The following CTNND2 variants were observed in gnomAD, a reference collection of about 807,000 sequenced individuals.
CTNND2 encodes catenin delta 2, also known as catenin delta-2.
Under a neutral mutation model 144.4 loss-of-function variants are expected in CTNND2, and 22 were observed. That is an observed-to-expected ratio of 0.15 (90% confidence interval 0.11 to 0.22). The LOEUF (loss-of-function observed/expected upper bound fraction) is 0.22, where lower values mean the gene tolerates loss of function less well. Ranked by LOEUF, CTNND2 falls within the 10% of genes least tolerant of loss-of-function variation. CTNND2 has a pLI of 1.00. For synonymous variants in CTNND2, 751 were observed against 695.6 expected (o/e 1.08, Z -1.25); for missense variants, 1,353 against 1,618.8 (o/e 0.84, Z 2.82).
chr5:11,199,410 C>G (rs1737198849), intron 11 of CTNND2, 38 bp downstream of exon 11: 1 of 1,562,224 alleles, frequency 6.4e-7, no homozygotes, highest in Admixed American at 1.7e-5. Context: ...GAAAGTTTAT[C>G]TTGAGATATA....
At chr5:11,191,823 C>T (rs933249159) in intron 11 of CTNND2, among the ~76,000 whole-genome samples, 2 of 152,156 alleles carry the variant, frequency 1.3e-5, no homozygotes, top group South Asian at 2.1e-4. Flanking sequence ...TTGCAGCCAG[C>T]GAGAGGCAAA....
intron 2 of CTNND2, among the ~76,000 whole-genome samples, chr5:11,726,222 T>C (rs974003532): frequency 6.6e-6 from 1 of 152,106 alleles, no homozygotes; most frequent in African/African-American, 2.4e-5. Flanking sequence ...TCAACAAAGG[T>C]AAAAATGTGA....
At chr5:11,488,668 T>C (rs985727092) in intron 3 of CTNND2, among the ~76,000 whole-genome samples, 1 of 151,924 alleles carries the variant, frequency 6.6e-6, no homozygotes, top group Non-Finnish European at 1.5e-5. Flanking sequence ...GAGAGAAGAG[T>C]TCAACTACCT....
chr5:11,574,050 A>G (rs1043466727), intron 2 of CTNND2, among the ~76,000 whole-genome samples: 2 of 152,144 alleles, frequency 1.3e-5, no homozygotes, highest in Non-Finnish European at 2.9e-5. Flanking sequence ...ACTCTATCAC[A>G]ATAATCTCTA....
At chr5:11,237,662 G>A (rs946460092) in intron 9 of CTNND2, among the ~76,000 whole-genome samples, 9 of 152,042 alleles carry the variant, frequency 5.9e-5, no homozygotes, top group African/African-American at 1.9e-4. Flanking sequence ...CACCACGTCC[G>A]TCTTAAATGG....
At chr5:11,780,719 G>A (rs1007174649) in intron 1 of CTNND2, among the ~76,000 whole-genome samples, 1 of 152,302 alleles carries the variant, frequency 6.6e-6, no homozygotes, top group African/African-American at 2.4e-5. Flanking sequence ...AAGGGTAGGA[G>A]AGGCTGGCCC....
rs780077041 is a variant in CTNND2 at position 10,981,818 on chromosome 5, A to G, written c.3372T>C (p.Tyr1124=). Residue 1124 remains tyrosine (Y), a synonymous_variant, in exon 21 of 22, where the codon TAT becomes TAC. Transcript: ENST00000304623. The part of the protein sequence containing the change: ...TAQNTGISTL[Y]RNSYGAPAED... Reference sequence around the variant, plus strand: ...CAGCGGGCGCACCATAAGAATTCCTATACAAAGTTGAAATTCCAGTGTTTT... The same window carrying G: ...CAGCGGGCGCACCATAAGAATTCCTGTACAAAGTTGAAATTCCAGTGTTTT... The G allele has an allele frequency of 6.2e-7, 1 of 1,614,062 alleles. No homozygotes were observed.
intron 2 of CTNND2, among the ~76,000 whole-genome samples, chr5:11,588,473 T>C (rs1375795816): frequency 6.6e-6 from 1 of 152,208 alleles, no homozygotes; most frequent in African/African-American, 2.4e-5. Context: ...TAAATGGTTA[T>C]AATGGTTAGT....
intron 20 of CTNND2, among the ~76,000 whole-genome samples, chr5:10,984,281 G>C (rs965897620): frequency 1.3e-5 from 2 of 152,190 alleles, no homozygotes; most frequent in Non-Finnish European, 2.9e-5. Context: ...GACACCCATA[G>C]AGTAAGTGCC....
At chr5:11,309,313 G>A (rs181462666) in intron 9 of CTNND2, among the ~76,000 whole-genome samples, 1 of 152,328 alleles carries the variant, frequency 6.6e-6, no homozygotes, top group East Asian at 1.9e-4. Flanking sequence ...GTACCCTGCA[G>A]AGCCACAGGG....
chr5:10,992,116 C>G (rs1459248289), intron 19 of CTNND2, among the ~76,000 whole-genome samples: 3 of 152,124 alleles, frequency 2.0e-5, no homozygotes, highest in Admixed American at 2.0e-4. Context: ...CGGGGTTTCA[C>G]CATGTTGCCC....
At chr5:11,823,328 G>T (rs1331927093) in intron 1 of CTNND2, among the ~76,000 whole-genome samples, 1 of 152,088 alleles carries the variant, frequency 6.6e-6, no homozygotes, top group Non-Finnish European at 1.5e-5. Flanking sequence ...ATTTGTGCTG[G>T]GTGTGCGTTG....
intron 8 of CTNND2, among the ~76,000 whole-genome samples, chr5:11,360,961 A>T (rs2149764716): frequency 6.6e-6 from 1 of 152,334 alleles, no homozygotes; most frequent in Non-Finnish European, 1.5e-5. Context: ...GATGATTTTT[A>T]CCAATGCAGT....
intron 3 of CTNND2, among the ~76,000 whole-genome samples, chr5:11,473,012 G>C (rs1767371212): frequency 6.6e-6 from 1 of 152,142 alleles, no homozygotes. Context: ...GGAGGTTGCA[G>C]TGAGCCGAGA....
chr5:11,563,360 C>T (rs1227234064), intron 3 of CTNND2, among the ~76,000 whole-genome samples: 2 of 152,172 alleles, frequency 1.3e-5, no homozygotes, highest in East Asian at 1.9e-4. Context: ...GCAGGCTTAG[C>T]TTTTCAAGTG....
At chr5:11,093,128 T>C (rs1750948055) in intron 15 of CTNND2, among the ~76,000 whole-genome samples, 1 of 152,234 alleles carries the variant, frequency 6.6e-6, no homozygotes, top group Non-Finnish European at 1.5e-5. Context: ...TTAAAATAAA[T>C]GGCAAATAAC....
chr5:11,294,851 T>C (rs1748737276), intron 9 of CTNND2, among the ~76,000 whole-genome samples: 1 of 152,174 alleles, frequency 6.6e-6, no homozygotes. Context: ...AAGAGCTATC[T>C]ATGACAAACC....
chr5:11,625,698 T>G (rs1781118963), intron 2 of CTNND2, among the ~76,000 whole-genome samples: 2 of 152,232 alleles, frequency 1.3e-5, no homozygotes, highest in Admixed American at 6.5e-5. Flanking sequence ...GAAACTAGTT[T>G]CAAAACACCT....
chr5:11,123,218 G>A (rs1489119532), intron 12 of CTNND2, among the ~76,000 whole-genome samples: 8 of 152,172 alleles, frequency 5.3e-5, no homozygotes, highest in African/African-American at 1.7e-4. Flanking sequence ...CCCACAAGGC[G>A]TTAGGAGGTA....
Sources: gnomAD v4.1 joint callset for allele counts (sites outside exome capture counted in the v4.1 genomes callset) on GRCh38, gnomAD v4.1.1 for gene constraint, MANE v1.5 for transcripts, NCBI Gene and HGNC (gene_info 2026-07-23, HGNC 2026-07-21) for gene names.